The following ATXN3 variants were observed in gnomAD, a reference collection of about 807,000 sequenced individuals.
ATXN3 encodes the protein ataxin-3.
ATXN3 carries 28 observed loss-of-function variants against 58.2 expected under a neutral mutation model. That is an observed-to-expected ratio of 0.48 (90% CI 0.36 to 0.66). The LOEUF is 0.66. ATXN3 is among the 30% of genes least tolerant of loss of function. ATXN3 has a pLI of 0.00. For synonymous variants in ATXN3, 113 were observed against 138.5 expected (o/e 0.82, Z 1.29); for missense variants, 321 against 422.1 (o/e 0.76, Z 2.10).
At chr14:92,076,249 C>T (rs2060333027) in intron 9 of ATXN3, among the ~76,000 whole-genome samples, 1 of 152,024 alleles carries the variant, frequency 6.6e-6, no homozygotes, top group Admixed American at 6.5e-5. Flanking sequence ...AGTTCGAGAC[C>T]AGTCTGGCCA....
At position 92,088,789 on chromosome 14, in the gene ATXN3, C is replaced by T; in HGVS notation, c.416G>A (p.Gly139Asp). ...QWFNLNSLLT[G>D]PELISDTYLA... ...ATATGTATCTGATATTAATTCTGGA[C>T]CCGTCAAGAGAGAATTCAAGTTAAA... Residue 139 changes from glycine to aspartate, a missense_variant, in exon 6 of 11, where the codon GGT (glycine) becomes GAT (aspartate). By Grantham distance (94) the Gly-to-Asp change is moderately conservative. Transcript: ENST00000644486. The T allele has an allele frequency of 6.2e-7, 1 of 1,612,014 alleles. No homozygotes were observed. Among genetic ancestry groups the T allele is most frequent in the South Asian group, 1.1e-5 (1 of 90,900 alleles).
At position 92,093,213 on chromosome 14, in the gene ATXN3, A is replaced by G. The variant is rs995334623; in HGVS notation, c.387+39T>C. Reference sequence around the variant, plus strand: ...ACATTTTAGTTTTAAATGGGGTACAATATAAGAAAAAAAGACAAGGAAGGG... The same window carrying G: ...ACATTTTAGTTTTAAATGGGGTACAGTATAAGAAAAAAAGACAAGGAAGGG... On this transcript the variant is annotated intron_variant, in intron 5 of 10. Transcript: ENST00000644486. 11 of 1,377,032 alleles carry G rather than the reference A, an allele frequency of 8.0e-6. No individual in the cohort carries two copies. The Admixed American group carries it at 2.1e-4, about 26-fold the overall frequency. The allele number at this position is 1,377,032 out of a possible 1,614,324, so 85.3% of individuals were successfully genotyped here.
chr14:92,089,332 CTTTTTTTTT>C (rs1157498754), intron 5 of ATXN3, among the ~76,000 whole-genome samples: 3 of 60,738 alleles, frequency 4.9e-5, no homozygotes, highest in Non-Finnish European at 9.1e-5. Context: ...GCTAAATACT[CTTTTTTTTT>C]TTTTTTTTTT....
intron 10 of ATXN3, 189 bp downstream of exon 10, chr14:92,070,746 T>TTC: frequency 2.0e-5 from 20 of 984,222 alleles, no homozygotes; most frequent in Admixed American, 3.8e-5. Flanking sequence ...ACATCTAGCT[T>TTC]TTTTTTTTTT....
At chr14:92,067,905 T>C (rs1386649759) in intron 10 of ATXN3, among the ~76,000 whole-genome samples, 1 of 152,194 alleles carries the variant, frequency 6.6e-6, no homozygotes, top group African/African-American at 2.4e-5. Context: ...TGGGGATTAC[T>C]GCTGAACGCA....
chr14:92,095,391 G>A (rs1056766188), intron 3 of ATXN3, among the ~76,000 whole-genome samples: 2 of 151,874 alleles, frequency 1.3e-5, no homozygotes, highest in Admixed American at 1.3e-4. Flanking sequence ...TTACAGGCAC[G>A]TGTCACCACG....
chr14:92,076,330 C>T (rs1309405780), intron 9 of ATXN3, among the ~76,000 whole-genome samples: 2 of 151,910 alleles, frequency 1.3e-5, no homozygotes, highest in African/African-American at 4.8e-5. Context: ...CGCCTGTAAT[C>T]CCAGCTACTT....
At chr14:92,093,877 C>T in intron 3 of ATXN3, 46 bp from the exon 4 acceptor site, 1 of 1,181,884 alleles carries the variant, frequency 8.5e-7, no homozygotes. Context: ...CCACTCCATT[C>T]CAAATTTAGG....
chr14:92,079,417 T>C, intron 9 of ATXN3: 1 of 978,166 alleles, frequency 1.0e-6, no homozygotes, highest in Non-Finnish European at 1.2e-6. Context: ...TATCTCACAT[T>C]AAGAGGATGT....
intron 1 of ATXN3, among the ~76,000 whole-genome samples, chr14:92,098,464 G>C (rs55950208): frequency 2.0e-5 from 3 of 152,206 alleles, no homozygotes; most frequent in Admixed American, 6.5e-5. Flanking sequence ...GTGTGTACCT[G>C]TAGTCCTAGC....
intron 6 of ATXN3, among the ~76,000 whole-genome samples, chr14:92,083,807 A>T (rs917391879): frequency 2.6e-5 from 4 of 152,202 alleles, no homozygotes; most frequent in African/African-American, 9.7e-5. Flanking sequence ...TAAGCCAGTG[A>T]ACTGGGAGAG....
At position 92,060,929 on chromosome 14, in the gene ATXN3, T is replaced by A. The variant is rs1264071202; in HGVS notation, c.*3391A>T. 1 of 151,924 alleles carries A rather than the reference T, an allele frequency of 6.6e-6. No individual in the cohort carries two copies. The highest frequency in any genetic ancestry group is 1.5e-5 in the Non-Finnish European group (1 of 67,982). 9.4% of individuals were successfully genotyped at this position (151,924 alleles called of 1,614,324 possible). ...TGTAGTTTTTAGTACAGATGGGGTT[T>A]CACCATTTTGGCCAAGCTGGTCTCG... On this transcript the variant is annotated 3_prime_UTR_variant, in exon 11 of 11. Transcript: ENST00000644486.
chr14:92,063,012 G>A lies in ATXN3; in HGVS notation c.*1308C>T, dbSNP rs922998311. The A allele has an allele frequency of 6.6e-6, 1 of 152,556 alleles. No individual in the cohort carries two copies. The highest frequency in any genetic ancestry group is 6.6e-5 in the Admixed American group (1 of 15,260). The allele number at this position is 152,556 out of a possible 1,614,324, so 9.5% of individuals were successfully genotyped here. ...ACTAAAACATCAATTTCAGAGACAT[G>A]GTTTTCACCAAAATGATACTATCCT... On this transcript the variant is annotated 3_prime_UTR_variant, in exon 11 of 11. Transcript: ENST00000644486.
At chr14:92,093,907 G>A in intron 3 of ATXN3, 76 bp from the exon 4 acceptor site, 1 of 835,686 alleles carries the variant, frequency 1.2e-6, no homozygotes, top group Non-Finnish European at 2.0e-6. Flanking sequence ...TATGTTAGTT[G>A]TGTACTTCAT....
chr14:92,080,294 C>T (rs2061227735), intron 9 of ATXN3, among the ~76,000 whole-genome samples: 1 of 152,092 alleles, frequency 6.6e-6, no homozygotes, highest in African/African-American at 2.4e-5. Context: ...CGCTCCCATA[C>T]CTCCAAAGCT....
chr14:92,069,339 G>A (rs1260956794), intron 10 of ATXN3, among the ~76,000 whole-genome samples: 6 of 150,102 alleles, frequency 4.0e-5, no homozygotes, highest in Admixed American at 1.3e-4. Flanking sequence ...CCAAAGTGCC[G>A]GGATAACAGG....
intron 1 of ATXN3, among the ~76,000 whole-genome samples, chr14:92,103,628 C>T (rs984881296): frequency 3.3e-5 from 5 of 152,136 alleles, no homozygotes; most frequent in African/African-American, 9.7e-5. Context: ...GGTCTCACCA[C>T]GCCCGGCCCC....
chr14:92,079,549 C>T, intron 9 of ATXN3: 1 of 442,172 alleles, frequency 2.3e-6, no homozygotes, highest in Non-Finnish European at 3.0e-6. Flanking sequence ...TTTATAGGTG[C>T]TGCTAATATA....
chr14:92,080,801 G>T (rs761551), intron 9 of ATXN3, 164 bp downstream of exon 9: 174,795 of 645,814 alleles, frequency 0.27, 25,266 homozygotes, highest in East Asian at 0.46. Flanking sequence ...CTCCCAAACT[G>T]CTAGCATCAC....
Sources: allele counts gnomAD v4.1 joint callset (sites outside exome capture counted in the v4.1 genomes callset), GRCh38; gene constraint gnomAD v4.1.1; transcripts MANE v1.5; gene names NCBI Gene and HGNC (gene_info 2026-07-23, HGNC 2026-07-21).